Variants in CR1L observed in about 807,000 individuals in gnomAD.
CR1L encodes the protein complement component receptor 1-like protein.
Under a neutral mutation model 62.3 loss-of-function variants are expected in CR1L, and 59 were observed. The observed-to-expected ratio is 0.95, with a 90% CI of 0.77 to 1.18. CR1L has a LOEUF of 1.18. Ranked by LOEUF, CR1L falls within the 50% of genes most tolerant of loss-of-function variation. CR1L has a pLI of 0.00. For synonymous variants in CR1L, 279 were observed against 248.7 expected (o/e 1.12, Z -1.15); for missense variants, 700 against 702.8 (o/e 1.00, Z 0.04).
rs1663572266 is a variant in CR1L, at chr1:207,669,345, G to A, written c.98-8044G>A. 5.3e-6 allele frequency: 4 copies of A among 755,222 alleles called. 1 individual carries two copies. The African/African-American group carries it at 5.6e-5, about 11-fold the overall frequency. 46.8% of individuals were successfully genotyped at this position (755,222 alleles called of 1,614,324 possible). On this transcript the variant is annotated intron_variant, in intron 1 of 11. Transcript: ENST00000508064. ...CCGCAGCCCTCCCCATGCTCTGGGC[G>A]CGGAGCACAAGGATTGGTCACTCCT...
chr1:207,713,406 G>A (rs1212737840), intron 10 of CR1L, among the ~76,000 whole-genome samples: 1 of 152,172 alleles, frequency 6.6e-6, no homozygotes, highest in Non-Finnish European at 1.5e-5. Context: ...GTCAAGAATG[G>A]CCAGTGTAAT....
intron 2 of CR1L, among the ~76,000 whole-genome samples, chr1:207,677,800 C>T (rs584814): frequency 2.0e-5 from 3 of 152,312 alleles, no homozygotes; most frequent in East Asian, 1.9e-4. Context: ...TGAGGGAAAA[C>T]CCCCATTCAC....
At chr1:207,682,861 T>C (rs1663821755) in intron 3 of CR1L, among the ~76,000 whole-genome samples, 1 of 152,198 alleles carries the variant, frequency 6.6e-6, no homozygotes, top group African/African-American at 2.4e-5. Flanking sequence ...GTTTGAGACA[T>C]ACTAATTGAG....
rs565856274 is a variant in CR1L, at chr1:207,703,091, A to G, written c.1328+1473A>G. 3.3e-5 allele frequency among the ~76,000 whole-genome samples: 5 copies of G among 152,302 alleles called. No individual in the cohort carries two copies. The South Asian group carries it at 1.0e-3, about 32-fold the overall frequency. ...GTTTAAGGAAAGAAGTCATCTCCAT[A>G]ACATAAAGGTGCAAGGTGAAGCAAC... On this transcript the variant is annotated intron_variant, in intron 9 of 11. Coordinates refer to ENST00000508064, the MANE Select transcript of CR1L (RefSeq NM_175710.2).
intron 10 of CR1L, among the ~76,000 whole-genome samples, chr1:207,714,473 G>A (rs1340478685): frequency 1.3e-5 from 2 of 152,120 alleles, no homozygotes; most frequent in Non-Finnish European, 2.9e-5. Context: ...TCAGCTTGAA[G>A]GTCGGGTTTC....
chr1:207,692,451 T>C, intron 4 of CR1L, among the ~76,000 whole-genome samples: 1 of 152,180 alleles, frequency 6.6e-6, no homozygotes, highest in Non-Finnish European at 1.5e-5. Flanking sequence ...ATCTGCTTTA[T>C]ACAACTGCCT....
chr1:207,663,487 T>C (rs1472672991), intron 1 of CR1L, among the ~76,000 whole-genome samples: 1 of 152,234 alleles, frequency 6.6e-6, no homozygotes, highest in Non-Finnish European at 1.5e-5. Flanking sequence ...GTTAAGCCAT[T>C]GGAAAAGCAC....
At chr1:207,695,566 A>T (rs1366656851) in intron 5 of CR1L, among the ~76,000 whole-genome samples, 2 of 152,216 alleles carry the variant, frequency 1.3e-5, no homozygotes, top group South Asian at 2.1e-4. Flanking sequence ...CAGTCAGGAA[A>T]TCAAAACTTA....
intron 10 of CR1L, among the ~76,000 whole-genome samples, chr1:207,714,334 A>G (rs530118251): frequency 2.0e-5 from 3 of 152,348 alleles, no homozygotes; most frequent in Non-Finnish European, 4.4e-5. Context: ...CCAATTAGGG[A>G]AGAGCAGGTA....
intron 10 of CR1L, among the ~76,000 whole-genome samples, chr1:207,715,605 A>G (rs1653973974): frequency 6.6e-6 from 1 of 152,182 alleles, no homozygotes; most frequent in Admixed American, 6.5e-5. Context: ...TGACTGTTTA[A>G]TTTTGTGGGG....
At chr1:207,692,731 T>G (rs1664016220) in intron 4 of CR1L, among the ~76,000 whole-genome samples, 3 of 151,144 alleles carry the variant, frequency 2.0e-5, no homozygotes, top group African/African-American at 7.2e-5. Flanking sequence ...TCTCTCTCTC[T>G]ACGTTCCTCG....
In CR1L at chr1:207,645,190, C is replaced by T; in HGVS notation, c.-44C>T. On this transcript the variant is annotated 5_prime_UTR_variant, in exon 1 of 12. Coordinates refer to ENST00000508064, the MANE Select transcript of CR1L (RefSeq NM_175710.2). ...TCCCTGCTCGGCTGGCTTTCGGTTT[C>T]TCTGCTCACCTCCGGATAAATCACG... The T allele has an allele frequency of 6.2e-7, 1 of 1,601,662 alleles. No individual in the cohort carries two copies. The highest frequency in any genetic ancestry group is 8.5e-7 in the Non-Finnish European group (1 of 1,171,946).
At chr1:207,675,318 G>A (rs577865263) in intron 1 of CR1L, among the ~76,000 whole-genome samples, 1 of 152,286 alleles carries the variant, frequency 6.6e-6, no homozygotes, top group South Asian at 2.1e-4. Context: ...AAATCCCTGA[G>A]AGGGTCAGGG....
intron 7 of CR1L, among the ~76,000 whole-genome samples, chr1:207,698,952 T>C (rs1664149993): frequency 6.6e-6 from 1 of 152,212 alleles, no homozygotes; most frequent in Admixed American, 6.5e-5. Context: ...GGCTATTTTG[T>C]GACCACCTTT....
At chr1:207,658,208 C>T (rs567752426) in intron 1 of CR1L, among the ~76,000 whole-genome samples, 1 of 151,820 alleles carries the variant, frequency 6.6e-6, no homozygotes, top group East Asian at 1.9e-4. Context: ...ATTTAATTTT[C>T]CACCTTAAGA....
intron 1 of CR1L, among the ~76,000 whole-genome samples, chr1:207,646,205 G>C (rs113662630): frequency 0.027 from 4,059 of 152,156 alleles, 192 homozygotes; most frequent in African/African-American, 0.093. Context: ...GTGGCTTTTT[G>C]ACATTGTTTT....
At chr1:207,713,715 T>C (rs1258633568) in intron 10 of CR1L, among the ~76,000 whole-genome samples, 1 of 152,232 alleles carries the variant, frequency 6.6e-6, no homozygotes, top group Non-Finnish European at 1.5e-5. Flanking sequence ...CATGTCACAC[T>C]GAAGGGAATG....
At chr1:207,669,239 G>T (rs1172324521) in intron 1 of CR1L, 3 of 428,126 alleles carry the variant, frequency 7.0e-6, no homozygotes, top group Non-Finnish European at 1.3e-5. Context: ...AGCGAAACTC[G>T]TTAGAAACAA....
intron 11 of CR1L, among the ~76,000 whole-genome samples, chr1:207,721,707 A>T (rs1253820632): frequency 6.6e-6 from 1 of 151,638 alleles, no homozygotes; most frequent in East Asian, 1.9e-4. Context: ...GTATATACCC[A>T]GTAATGGGAT....
Sources: gnomAD v4.1 joint callset for allele counts (sites outside exome capture counted in the v4.1 genomes callset) on GRCh38, gnomAD v4.1.1 for gene constraint, MANE v1.5 for transcripts, NCBI Gene and HGNC (gene_info 2026-07-23, HGNC 2026-07-21) for gene names.